Variants in ABL1 observed in about 807,000 individuals in gnomAD.
ABL1 encodes the protein tyrosine-protein kinase ABL1.
In ABL1, 11 loss-of-function variants were observed where a neutral mutation model predicts 94.7. The observed-to-expected ratio is 0.12, with a 90% confidence interval of 0.07 to 0.19. The LOEUF is 0.19. Among genes scored for constraint, ABL1 ranks in the 10% least tolerant of loss-of-function variants. The pLI, the probability that ABL1 is intolerant of heterozygous loss-of-function variation, is 1.00. For synonymous variants in ABL1, 656 were observed against 622.4 expected, an observed-to-expected ratio of 1.05 and a Z score of -0.80; for missense variants, 1,082 against 1,489.4, an observed-to-expected ratio of 0.73 and a Z score of 4.50.
At chr9:130,784,724 A>T (rs2132793058) in intron 1 of ABL1, among the ~76,000 whole-genome samples, 1 of 152,222 alleles carries the variant, frequency 6.6e-6, no homozygotes, top group East Asian at 1.9e-4. Context: ...AGGGCCAGGG[A>T]ACTGTCCTTG....
At chr9:130,831,603 TTTC>T (rs1207602832), upstream of ABL1, among the ~76,000 whole-genome samples, 1 of 152,108 alleles carries the variant, frequency 6.6e-6, no homozygotes, top group African/African-American at 2.4e-5. Context: ...AAACAGTGGA[TTTC>T]TTTTCTTTTT....
intron 1 of ABL1, among the ~76,000 whole-genome samples, chr9:130,759,312 T>C (rs567092929): frequency 3.8e-4 from 58 of 152,302 alleles, no homozygotes; most frequent in African/African-American, 1.3e-3. Context: ...GGCCGGTCAT[T>C]GCACTCCTCA....
At chr9:130,766,000 G>A (rs1238899623) in intron 1 of ABL1, among the ~76,000 whole-genome samples, 2 of 152,144 alleles carry the variant, frequency 1.3e-5, no homozygotes, top group Non-Finnish European at 1.5e-5. Flanking sequence ...AAAAGATAAA[G>A]GGAAGAATTG....
chr9:130,799,034 TACACACACC>T (rs1830020550), intron 1 of ABL1, among the ~76,000 whole-genome samples: 1 of 150,940 alleles, frequency 6.6e-6, no homozygotes, highest in South Asian at 2.1e-4. Context: ...AAATCATCTT[TACACACACC>T]ACCCACTCTA....
At chr9:130,715,622 TC>T (rs1831427860) in intron 1 of ABL1, among the ~76,000 whole-genome samples, 2 of 152,204 alleles carry the variant, frequency 1.3e-5, no homozygotes, top group Non-Finnish European at 2.9e-5. Context: ...GTTCCCAAAT[TC>T]AGGATTTAAA....
chr9:130,867,729 G>A lies in ABL1; in HGVS notation c.823-4400G>A, dbSNP rs116693676. 2.2e-3 allele frequency among the ~76,000 whole-genome samples: 334 copies of A among 152,328 alleles called. 1 individual carries two copies. Among genetic ancestry groups the A allele is most frequent in the African/African-American group, 7.2e-3 (299 of 41,560 alleles). ...AGTTGTACGCAGTGGCTCTCTGGCCGCACAAGGAGGGCTCGGAGCCTGCTG... is the reference window on the plus strand; with the variant it reads ...AGTTGTACGCAGTGGCTCTCTGGCCACACAAGGAGGGCTCGGAGCCTGCTG... On this transcript the variant is annotated intron_variant, in intron 4 of 10. Transcript: ENST00000318560.
At chr9:130,866,182 G>A (rs1831153286) in intron 4 of ABL1, among the ~76,000 whole-genome samples, 1 of 152,134 alleles carries the variant, frequency 6.6e-6, no homozygotes, top group African/African-American at 2.4e-5. Flanking sequence ...AAGAGAGAGA[G>A]GTTAAGTGAC....
chr9:130,802,095 C>A lies in ABL1; in HGVS notation c.137-51969C>A, dbSNP rs201231641. ...AGTCTGTTCATTTTTTTCCTTCAGTCTTTTTTTTTTTTTTTGAAATGGTCT... is the reference window on the plus strand; with the variant it reads ...AGTCTGTTCATTTTTTTCCTTCAGTATTTTTTTTTTTTTTTGAAATGGTCT... On this transcript the variant is annotated intron_variant, in intron 1 of 10. Coordinates refer to the ABL1 transcript ENST00000372348. Among the ~76,000 whole-genome samples the A allele has an allele frequency of 3.0e-5, 4 of 132,078 alleles. No individual in the cohort carries two copies. In the East Asian group the frequency reaches 8.4e-4, roughly 28 times the overall value. The allele number at this position is 132,078 out of a possible 152,430, so 86.6% of individuals were successfully genotyped here.
chr9:130,719,577 C>T (rs888873396), intron 1 of ABL1, among the ~76,000 whole-genome samples: 3 of 152,112 alleles, frequency 2.0e-5, no homozygotes, highest in Non-Finnish European at 2.9e-5. Context: ...GATGACAGCC[C>T]AACCTGTCAC....
At chr9:130,732,390 C>T (rs964319801) in intron 1 of ABL1, among the ~76,000 whole-genome samples, 1 of 152,194 alleles carries the variant, frequency 6.6e-6, no homozygotes, top group African/African-American at 2.4e-5. Context: ...GGGACATTTA[C>T]TCAACCTGAT....
chr9:130,860,890 T>C (rs1831060613), intron 3 of ABL1, among the ~76,000 whole-genome samples: 1 of 152,174 alleles, frequency 6.6e-6, no homozygotes, highest in South Asian at 2.1e-4. Flanking sequence ...CCGTTTTCTT[T>C]GTGTGCAGCA....
At chr9:130,866,915 G>T (rs1388634334) in intron 4 of ABL1, among the ~76,000 whole-genome samples, 1 of 152,200 alleles carries the variant, frequency 6.6e-6, no homozygotes, top group Non-Finnish European at 1.5e-5. Context: ...GGCTCAAGCA[G>T]TCCTCCCACC....
intron 3 of ABL1, among the ~76,000 whole-genome samples, chr9:130,856,761 C>G (rs2132961696): frequency 6.6e-6 from 1 of 152,272 alleles, no homozygotes; most frequent in South Asian, 2.1e-4. Flanking sequence ...TCATGCTTCT[C>G]CCGTGTGATA....
intron 1 of ABL1, among the ~76,000 whole-genome samples, chr9:130,761,468 G>A (rs1017005233): frequency 6.6e-6 from 1 of 152,260 alleles, no homozygotes; most frequent in Middle Eastern, 3.4e-3. Flanking sequence ...CTCTTTTAAA[G>A]CATTATTCAG....
chr9:130,796,375 G>T (rs1484167192), intron 1 of ABL1, among the ~76,000 whole-genome samples: 1 of 152,148 alleles, frequency 6.6e-6, no homozygotes, highest in African/African-American at 2.4e-5. Flanking sequence ...GCTGGGCATG[G>T]TGGTGCGTTC....
chr9:130,879,945 C>T (rs1831423229), intron 8 of ABL1, 123 bp from the exon 9 acceptor site: 2 of 886,652 alleles, frequency 2.3e-6, no homozygotes, highest in Non-Finnish European at 3.7e-6. Flanking sequence ...TGACTTGTTG[C>T]AGCAAAAGAT....
At position 130,880,206 on chromosome 9, in the gene ABL1, T is replaced by C. The variant is rs367594767; in HGVS notation, c.1513+49T>C. The C allele has an allele frequency of 6.4e-7, 1 of 1,559,006 alleles. No individual in the cohort carries two copies. ...CTGCAGTGGGGTGAAAGGGCAGCCA[T>C]GTGGGACTGCAGCCTGGGTCATTCG... On this transcript the variant is annotated intron_variant, in intron 9 of 10. Transcript: ENST00000318560. The surrounding 1 kb of genome is among the most constrained non-coding windows in gnomAD (Gnocchi z 4.4).
intron 1 of ABL1, chr9:130,714,533 G>T: frequency 3.2e-6 from 5 of 1,570,154 alleles, no homozygotes; most frequent in Non-Finnish European, 4.4e-6. Flanking sequence ...TTGAACAACA[G>T]TACTTGCGAC....
In ABL1 at chr9:130,869,571, G is replaced by A. The variant is rs190402441; in HGVS notation, c.823-2558G>A. Among the ~76,000 whole-genome samples the A allele has an allele frequency of 2.3e-3, 348 of 152,320 alleles. 7 individuals are homozygous for A. Among genetic ancestry groups the A allele is most frequent in the Non-Finnish European group, 3.8e-4 (26 of 68,028 alleles). On this transcript the variant is annotated intron_variant, in intron 4 of 10. Coordinates refer to ENST00000318560, the MANE Select transcript of ABL1 (RefSeq NM_005157.6). Reference sequence around the variant, plus strand: ...GCATCTGGGCCAGCCTCGTCAGTCCGTGCAAAGAGGCCAGTTGACCCATCT... The same window carrying A: ...GCATCTGGGCCAGCCTCGTCAGTCCATGCAAAGAGGCCAGTTGACCCATCT...
Sources: gnomAD v4.1 joint callset for allele counts (sites outside exome capture counted in the v4.1 genomes callset) on GRCh38, gnomAD v4.1.1 for gene constraint, Gnocchi (gnomAD v3.1) non-coding constraint, MANE v1.5 for transcripts, NCBI Gene and HGNC (gene_info 2026-07-23, HGNC 2026-07-21) for gene names.